LAMP1: variants seen among roughly 807,000 people sequenced by gnomAD.
LAMP1 encodes the protein lysosome-associated membrane glycoprotein 1.
A neutral mutation model predicts 37.5 loss-of-function variants in LAMP1; 7 were observed. The ratio of observed to expected loss-of-function variants is 0.19; its 90% confidence interval spans 0.11 to 0.35. The LOEUF (loss-of-function observed/expected upper bound fraction) is 0.35, where lower values mean the gene tolerates loss of function less well. LAMP1 is among the 10% of genes least tolerant of loss of function. The pLI is 1.00. For missense variants in LAMP1, 537 were observed against 552.8 expected (o/e 0.97, Z 0.29); for synonymous variants, 236 against 229.1 (o/e 1.03, Z -0.27).
rs766396501 is a variant in LAMP1 at position 113,306,555 on chromosome 13, C to A, written c.132C>A (p.Ala44=). 22 of 1,613,994 alleles carry A rather than the reference C, an allele frequency of 1.4e-5. No individual in the cohort carries two copies. In the South Asian group the frequency reaches 2.4e-4, roughly 18 times the overall value. ...KNGNGTACIM[A]NFSAAFSVNY... The stretch of plus-strand genomic sequence containing the variant: ...GCAACGGGACCGCGTGCATAATGGC[C>A]AACTTCTCTGCTGCCTTCTCAGTGA... Residue 44 remains alanine (A), a synonymous_variant, in exon 2 of 9, where the codon GCC becomes GCA. Transcript: ENST00000332556.
rs750605346 is a variant in LAMP1 at position 113,322,311 on chromosome 13, A to G, written c.1144A>G (p.Met382Val). ...GGAGTGTCTGCTGGACGAGAACAGC[A>G]TGCTGATCCCCATCGCTGTGGGTGG... The part of the protein sequence containing the change: ...VEECLLDENS[M>V]LIPIAVGGAL... The change falls in exon 9 of 9, where the codon ATG (methionine) becomes GTG (valine). Residue 382 changes from methionine (M) to valine (V), a missense_variant. Met to Val is a conservative substitution (Grantham distance 21). Coordinates refer to ENST00000332556, the MANE Select transcript of LAMP1 (RefSeq NM_005561.4). The G allele has an allele frequency of 3.1e-6, 5 of 1,613,560 alleles. No individual in the cohort carries two copies. The Admixed American group carries it at 8.3e-5, about 27-fold the overall frequency.
intron 4 of LAMP1, among the ~76,000 whole-genome samples, chr13:113,314,039 T>C (rs576272490): frequency 7.3e-4 from 32 of 43,876 alleles, no homozygotes; most frequent in African/African-American, 3.4e-3. Flanking sequence ...CTAGAGGGAG[T>C]CAGTGTGGAG....
At chr13:113,318,800 TC>T (rs2042680776) in intron 4 of LAMP1, among the ~76,000 whole-genome samples, 1 of 147,516 alleles carries the variant, frequency 6.8e-6, no homozygotes, top group South Asian at 2.2e-4. Context: ...CACAGCCCCC[TC>T]CCCAAATGAA....
intron 4 of LAMP1, among the ~76,000 whole-genome samples, chr13:113,316,571 C>T (rs944284499): frequency 1.3e-5 from 2 of 151,956 alleles, no homozygotes; most frequent in Non-Finnish European, 1.5e-5. Context: ...TGTAGGCGCC[C>T]GCCACCACGC....
intron 4 of LAMP1, among the ~76,000 whole-genome samples, chr13:113,315,382 C>CTTTTTTTTTTTTTTT (rs1158608278): frequency 1.7e-5 from 1 of 60,432 alleles, no homozygotes; most frequent in Non-Finnish European, 3.1e-5. Context: ...TGTATCTTGT[C>CTTTTTTTTTTTTTTT]TTTTTTTTTT....
Position 113,321,479 on chromosome 13 carries a change from C to A in LAMP1, c.943+9C>A. On this transcript the variant is annotated intron_variant, in intron 7 of 8. Transcript: ENST00000332556. The surrounding 1 kb of genome is among the most constrained non-coding windows in gnomAD (Gnocchi z 5.6). Reference sequence around the variant, plus strand: ...TCTTCCTGACGCCAGAGGTGAGAACCCACAATCTCTGCGAGCCCCGCCCCC... The same window carrying A: ...TCTTCCTGACGCCAGAGGTGAGAACACACAATCTCTGCGAGCCCCGCCCCC... 6.2e-7 allele frequency: 1 copy of A among 1,613,924 alleles called. No homozygotes were observed. Among genetic ancestry groups the A allele is most frequent in the Non-Finnish European group, 8.5e-7 (1 of 1,179,886 alleles).
At chr13:113,303,035 T>A (rs534795098) in intron 1 of LAMP1, among the ~76,000 whole-genome samples, 1 of 152,346 alleles carries the variant, frequency 6.6e-6, no homozygotes, top group East Asian at 1.9e-4. Flanking sequence ...AATGATGAAC[T>A]TGATGGGAAC....
chr13:113,307,163 C>CTT (rs11426559), intron 2 of LAMP1, among the ~76,000 whole-genome samples: 34,319 of 137,292 alleles, frequency 0.25, 5,094 homozygotes, highest in Non-Finnish European at 0.33. Context: ...TTCTAGTTTT[C>CTT]TTTTTTTTTT....
At position 113,322,139 on chromosome 13, in the gene LAMP1, A is replaced by G. The variant is rs1174069941; in HGVS notation, c.1115-143A>G. On this transcript the variant is annotated intron_variant, in intron 8 of 8. Coordinates refer to ENST00000332556, the MANE Select transcript of LAMP1 (RefSeq NM_005561.4). Reference sequence around the variant, plus strand: ...ACCAGTCTCTGCAGCGGCTTCCCCAAGTGACAATTCCAGCTAGAGCTGGAA... The same window carrying G: ...ACCAGTCTCTGCAGCGGCTTCCCCAGGTGACAATTCCAGCTAGAGCTGGAA... 1.2e-5 allele frequency: 11 copies of G among 928,534 alleles called. No homozygotes were observed. In the East Asian group the frequency reaches 1.5e-4, roughly 12 times the overall value. 57.5% of individuals were successfully genotyped at this position (928,534 alleles called of 1,614,324 possible).
intron 4 of LAMP1, 136 bp downstream of exon 4, chr13:113,311,003 C>T: frequency 3.1e-6 from 2 of 654,704 alleles, no homozygotes; most frequent in Non-Finnish European, 2.6e-6. Context: ...GGCGACGTCT[C>T]TGCAGAACGT....
chr13:113,316,346 CA>C (rs2042663905), intron 4 of LAMP1, among the ~76,000 whole-genome samples: 1 of 151,860 alleles, frequency 6.6e-6, no homozygotes, highest in East Asian at 1.9e-4. Context: ...TTGAATGAAT[CA>C]GAGGACTGCC....
intron 3 of LAMP1, 95 bp downstream of exon 3, chr13:113,309,957 G>C (rs948819120): frequency 1.0e-6 from 1 of 984,320 alleles, no homozygotes; most frequent in Non-Finnish European, 1.6e-6. Context: ...GGCTGGGTGT[G>C]GTGGCTCACA....
chr13:113,304,723 C>T (rs1258268454), intron 1 of LAMP1, among the ~76,000 whole-genome samples: 1 of 151,630 alleles, frequency 6.6e-6, no homozygotes, highest in East Asian at 1.9e-4. Flanking sequence ...GTGGTGCAAT[C>T]TCGACTCACT....
intron 8 of LAMP1, 113 bp from the exon 9 acceptor site, chr13:113,322,169 C>A: frequency 8.1e-7 from 1 of 1,238,210 alleles, no homozygotes; most frequent in Non-Finnish European, 1.1e-6. Flanking sequence ...CTGGAACCTT[C>A]CGCCAGGGTT....
At position 113,310,851 on chromosome 13, in the gene LAMP1, C is replaced by T. The variant is rs749464893; in HGVS notation, c.546C>T (p.Ser182=). The change falls in exon 4 of 9, where the codon AGC becomes AGT. Residue 182 remains serine (S), a synonymous_variant. Transcript: ENST00000332556. The part of the protein sequence containing the change: ...DATIQAYLSN[S]SFSRGETRCE... ...CCATCCAGGCGTACCTTTCCAACAG[C>T]AGCTTCAGCCGGGGAGGTAGGACGC... is the stretch of plus-strand genomic sequence containing the variant. 3 of 1,613,246 alleles carry T rather than the reference C, an allele frequency of 1.9e-6. No homozygotes were observed. The highest frequency in any genetic ancestry group is 2.5e-6 in the Non-Finnish European group (3 of 1,179,870).
chr13:113,313,040 A>G (rs996559169), intron 4 of LAMP1, among the ~76,000 whole-genome samples: 2 of 152,170 alleles, frequency 1.3e-5, no homozygotes, highest in African/African-American at 4.8e-5. Flanking sequence ...ATGAGAGAGA[A>G]TTGGATGCTG....
Position 113,322,412 on chromosome 13 carries a change from G to C in LAMP1, c.1245G>C (p.Gln415His), listed in dbSNP as rs1361680639. Reference protein sequence around the residue: ...VGRKRSHAGYQTI With the variant: ...VGRKRSHAGYHTI ...GGAAGAGGAGTCACGCAGGCTACCA[G>C]ACTATCTAGCCTGGTGCACGCAGGC... The change falls in exon 9 of 9, where the codon CAG (glutamine) becomes CAC (histidine). Residue 415 changes from glutamine to histidine, a missense_variant. By Grantham distance (24) the Gln-to-His change is conservative. Transcript: ENST00000332556. 2 of 1,612,842 alleles carry C rather than the reference G, an allele frequency of 1.2e-6. 1 individual carries two copies. The highest frequency in any genetic ancestry group is 1.7e-6 in the Non-Finnish European group (2 of 1,179,222).
At chr13:113,308,737 T>C (rs1450626180) in intron 2 of LAMP1, among the ~76,000 whole-genome samples, 1 of 152,232 alleles carries the variant, frequency 6.6e-6, no homozygotes, top group African/African-American at 2.4e-5. Context: ...GTCACCTATA[T>C]GCTGTTATGC....
chr13:113,316,608 A>G (rs2042666043), intron 4 of LAMP1, among the ~76,000 whole-genome samples: 1 of 151,988 alleles, frequency 6.6e-6, no homozygotes, highest in Admixed American at 6.6e-5. Context: ...TTTTTAGTAG[A>G]GACGGGGTTT....
Sources: allele counts gnomAD v4.1 joint callset (sites outside exome capture counted in the v4.1 genomes callset), GRCh38; gene constraint gnomAD v4.1.1; non-coding constraint Gnocchi (gnomAD v3.1); transcripts MANE v1.5; gene names NCBI Gene and HGNC (gene_info 2026-07-23, HGNC 2026-07-21).